The following SHISA9 variants were observed in gnomAD, a reference collection of about 807,000 sequenced individuals.
The protein encoded by SHISA9 is protein shisa-9.
SHISA9 carries 13 observed loss-of-function variants against 38.0 expected under a neutral mutation model. That is an observed-to-expected ratio of 0.34 (90% CI 0.22 to 0.54). The LOEUF (loss-of-function observed/expected upper bound fraction) is 0.54. Ranked by LOEUF, SHISA9 falls within the 20% of genes least tolerant of loss-of-function variation. The pLI, the probability that SHISA9 is intolerant of heterozygous loss-of-function variation, is 0.91. For missense variants in SHISA9, 538 were observed against 575.8 expected (o/e 0.93, Z 0.67); for synonymous variants, 275 against 242.0 (o/e 1.14, Z -1.27).
At chr16:13,040,121 G>C (rs554431198) in intron 2 of SHISA9, among the ~76,000 whole-genome samples, 45 of 152,152 alleles carry the variant, frequency 3.0e-4, no homozygotes, top group Non-Finnish European at 6.5e-4. Context: ...CTCTACACGA[G>C]AGCCAGAATT....
chr16:13,016,564 TTTG>T (rs759835697), intron 2 of SHISA9, among the ~76,000 whole-genome samples: 13 of 151,990 alleles, frequency 8.6e-5, no homozygotes, highest in East Asian at 1.9e-4. Context: ...GTAGTGGTTT[TTTG>T]TTGTTGTTGT....
At chr16:12,935,731 C>T (rs746733427) in intron 2 of SHISA9, among the ~76,000 whole-genome samples, 1 of 151,806 alleles carries the variant, frequency 6.6e-6, no homozygotes, top group Non-Finnish European at 1.5e-5. Flanking sequence ...GCCTGTGGTC[C>T]CAGCTACTTG....
chr16:12,997,091 G>A lies in SHISA9; in HGVS notation c.691+80276G>A, dbSNP rs376469016. On this transcript the variant is annotated intron_variant, in intron 2 of 4. Coordinates refer to ENST00000558583, the MANE Select transcript of SHISA9 (RefSeq NM_001145204.3). ...ACCAACTCCTCTATCAAGAGGAAGAGCATTTTCATCACCCCCCAAATTCCC... is the reference window on the plus strand; with the variant it reads ...ACCAACTCCTCTATCAAGAGGAAGAACATTTTCATCACCCCCCAAATTCCC... 2.8e-4 allele frequency among the ~76,000 whole-genome samples: 43 copies of A among 152,216 alleles called. No homozygotes were observed. The East Asian group carries it at 6.8e-3, about 24-fold the overall frequency.
At chr16:13,245,857 A>G in the SHISA9 span, among the ~76,000 whole-genome samples, 2 of 152,172 alleles carry the variant, frequency 1.3e-5, no homozygotes, top group South Asian at 2.1e-4. Context: ...CAGAGGAGAA[A>G]GACAAATGTC....
the SHISA9 span, among the ~76,000 whole-genome samples, chr16:13,384,598 C>T: frequency 6.6e-6 from 1 of 152,188 alleles, no homozygotes; most frequent in African/African-American, 2.4e-5. Context: ...CAGCAAACAT[C>T]TTTCAGGGTG....
At chr16:13,426,544 A>T in the SHISA9 span, among the ~76,000 whole-genome samples, 2 of 152,314 alleles carry the variant, frequency 1.3e-5, no homozygotes, top group East Asian at 3.9e-4. Flanking sequence ...CGCCACAGAG[A>T]ATCTTGACAT....
the SHISA9 span, among the ~76,000 whole-genome samples, chr16:13,539,917 G>A: frequency 8.7e-6 from 1 of 114,288 alleles, no homozygotes; most frequent in Non-Finnish European, 1.9e-5. Flanking sequence ...CTGCTGCAAA[G>A]AACATGATCC....
intron 2 of SHISA9, among the ~76,000 whole-genome samples, chr16:13,056,437 A>G (rs1402987597): frequency 1.3e-5 from 2 of 152,170 alleles, no homozygotes; most frequent in African/African-American, 4.8e-5. Flanking sequence ...ATCTGTGTTG[A>G]TCCATCTCTT....
chr16:13,454,805 G>A, the SHISA9 span, among the ~76,000 whole-genome samples: 1 of 152,142 alleles, frequency 6.6e-6, no homozygotes, highest in Non-Finnish European at 1.5e-5. Context: ...GGAGATACCA[G>A]ACCTGTGCTA....
the SHISA9 span, among the ~76,000 whole-genome samples, chr16:13,255,169 A>C: frequency 7.9e-5 from 12 of 151,866 alleles, no homozygotes; most frequent in African/African-American, 2.7e-4. Context: ...CTATGGTTCT[A>C]CTTTGACTAT....
chr16:13,457,230 C>T, the SHISA9 span, among the ~76,000 whole-genome samples: 19 of 152,170 alleles, frequency 1.2e-4, no homozygotes, highest in African/African-American at 3.9e-4. Context: ...CGTTTGAACC[C>T]GGGAGGCAGA....
chr16:13,484,774 G>A, the SHISA9 span, among the ~76,000 whole-genome samples: 4 of 152,234 alleles, frequency 2.6e-5, no homozygotes, highest in Non-Finnish European at 5.9e-5. Context: ...AGCAGGAAGC[G>A]TGGGGAAGAG....
the SHISA9 span, among the ~76,000 whole-genome samples, chr16:13,353,326 G>C: frequency 1.3e-5 from 2 of 152,280 alleles, no homozygotes; most frequent in South Asian, 2.1e-4. Context: ...AGGTATAAAA[G>C]GTCTAAGAAT....
At chr16:13,359,765 T>C in the SHISA9 span, among the ~76,000 whole-genome samples, 1 of 152,212 alleles carries the variant, frequency 6.6e-6, no homozygotes, top group East Asian at 1.9e-4. Flanking sequence ...TCACTTTCCT[T>C]GTGTGAAGCA....
Position 12,908,601 on chromosome 16 carries a change from C to G in SHISA9, c.563+5974C>G, listed in dbSNP as rs1343452729. On this transcript the variant is annotated intron_variant, in intron 1 of 4. Transcript: ENST00000558583. ...GTCTGAGTGCACGGATCCTTGGCCG[C>G]TAGGCTGCACTGCGTTTGAGTGCAA... is the stretch of plus-strand genomic sequence containing the variant. The G allele has an allele frequency of 2.6e-5, 40 of 1,551,576 alleles. No homozygotes were observed. The East Asian group carries it at 9.0e-4, about 35-fold the overall frequency.
At chr16:13,487,613 A>T in the SHISA9 span, among the ~76,000 whole-genome samples, 1 of 152,352 alleles carries the variant, frequency 6.6e-6, no homozygotes, top group South Asian at 2.1e-4. Context: ...AACATTTGGG[A>T]TTATAATTCA....
chr16:13,311,171 A>T, the SHISA9 span, among the ~76,000 whole-genome samples: 10 of 151,784 alleles, frequency 6.6e-5, no homozygotes, highest in Non-Finnish European at 1.5e-4. Flanking sequence ...TTCATGCAAG[A>T]TTTCTCCAAA....
At chr16:13,048,483 A>G (rs950329783) in intron 2 of SHISA9, among the ~76,000 whole-genome samples, 1 of 152,146 alleles carries the variant, frequency 6.6e-6, no homozygotes. Flanking sequence ...GTGCAATGGC[A>G]TGATCTCTGT....
chr16:13,028,215 C>T (rs552695164), intron 2 of SHISA9, among the ~76,000 whole-genome samples: 9 of 152,202 alleles, frequency 5.9e-5, no homozygotes, highest in African/African-American at 2.2e-4. Context: ...ATAAGTTACA[C>T]TTCAATAAAC....
Sources: allele counts gnomAD v4.1 joint callset (sites outside exome capture counted in the v4.1 genomes callset), GRCh38; gene constraint gnomAD v4.1.1; transcripts MANE v1.5; gene names NCBI Gene and HGNC (gene_info 2026-07-23, HGNC 2026-07-21).